TDO2: variants seen among roughly 807,000 people sequenced by gnomAD.
The protein encoded by TDO2 is tryptamin 2,3-dioxygenase.
TDO2 carries 63 observed loss-of-function variants against 61.2 expected under a neutral mutation model. The ratio of observed to expected loss-of-function variants is 1.03; its 90% CI spans 0.84 to 1.27. The LOEUF is 1.27. Among genes scored for constraint, TDO2 ranks in the 50% most tolerant of loss-of-function variants. The probability of loss-of-function intolerance (pLI) is 0.00; values close to 1 mark genes in which losing one functional copy is unlikely to be tolerated. For missense variants in TDO2, 494 were observed against 469.5 expected (o/e 1.05, Z -0.48); for synonymous variants, 183 against 164.0 (o/e 1.12, Z -0.89).
intron 4 of TDO2, 70 bp from the exon 5 acceptor site, chr4:155,908,817 T>C: frequency 1.3e-6 from 2 of 1,484,070 alleles, no homozygotes; most frequent in Non-Finnish European, 1.8e-6. Flanking sequence ...GGGAATTCAT[T>C]GCCATTGTCT....
At chr4:155,912,439 G>A (rs1742852158) in intron 7 of TDO2, among the ~76,000 whole-genome samples, 1 of 151,992 alleles carries the variant, frequency 6.6e-6, no homozygotes, top group Admixed American at 6.6e-5. Flanking sequence ...AAATCCAATG[G>A]CCATTTTTAA....
chr4:155,911,550 A>C lies in TDO2; in HGVS notation c.672A>C (p.Gly224=). 6.2e-7 allele frequency: 1 copy of C among 1,603,636 alleles called. No homozygotes were observed. Among genetic ancestry groups the C allele is most frequent in the South Asian group, 1.1e-5 (1 of 89,714 alleles). ...AGCCACATGGATTTAACTTCTGGGG[A>C]AAGCTTGAAAAAAATATCACCAGAG... ...GLEPHGFNFW[G]KLEKNITRGL... Residue 224 remains glycine, a synonymous_variant, in exon 7 of 12, where the codon GGA becomes GGC. Transcript: ENST00000536354.
intron 11 of TDO2, 108 bp from the exon 12 acceptor site, chr4:155,919,724 TTATAA>T (rs1373869154): frequency 1.5e-5 from 13 of 842,402 alleles, no homozygotes; most frequent in African/African-American, 3.5e-5. Context: ...GCAATATATA[TTATAA>T]TATTGAATAC....
intron 4 of TDO2, among the ~76,000 whole-genome samples, chr4:155,908,571 T>C (rs1487408527): frequency 6.6e-6 from 1 of 152,246 alleles, no homozygotes; most frequent in African/African-American, 2.4e-5. Flanking sequence ...TCCTGTGTTA[T>C]CTTGACCTCT....
chr4:155,916,251 T>A (rs1442299080), intron 9 of TDO2, among the ~76,000 whole-genome samples: 3 of 138,092 alleles, frequency 2.2e-5, no homozygotes, highest in Non-Finnish European at 4.6e-5. Flanking sequence ...CACTGCAAGC[T>A]CCGCCTCCCG....
At chr4:155,909,132 A>G (rs1037202009) in intron 5 of TDO2, 118 bp downstream of exon 5, 33 of 983,258 alleles carry the variant, frequency 3.4e-5, no homozygotes, top group Non-Finnish European at 4.4e-5. Flanking sequence ...ACATTTTGTC[A>G]CTATATGGAC....
intron 7 of TDO2, among the ~76,000 whole-genome samples, chr4:155,912,455 AC>A (rs1484303819): frequency 6.6e-6 from 1 of 152,090 alleles, no homozygotes; most frequent in African/African-American, 2.4e-5. Flanking sequence ...TTTAATCTTA[AC>A]TTAGTTGACC....
intron 8 of TDO2, 87 bp downstream of exon 8, chr4:155,914,521 T>G: frequency 1.1e-6 from 1 of 870,930 alleles, no homozygotes; most frequent in Non-Finnish European, 1.7e-6. Context: ...CAAGCCTTAC[T>G]TGGGAGAAAT....
rs533567199 is a variant in TDO2 at position 155,917,131 on chromosome 4, A to G, written c.897-264A>G. On this transcript the variant is annotated intron_variant, in intron 9 of 11. Coordinates refer to ENST00000536354, the MANE Select transcript of TDO2 (RefSeq NM_005651.4). ...CCTGTCTCGCTTTTAATAAGAACCAATGTTAGGTGTGACTCTAGGTGATTA... is the reference window on the plus strand; with the variant it reads ...CCTGTCTCGCTTTTAATAAGAACCAGTGTTAGGTGTGACTCTAGGTGATTA... Among the ~76,000 whole-genome samples the G allele has an allele frequency of 5.9e-5, 9 of 152,338 alleles. No homozygotes were observed. The South Asian group carries it at 1.9e-3, about 32-fold the overall frequency.
At chr4:155,909,738 T>C (rs1348545463) in intron 5 of TDO2, among the ~76,000 whole-genome samples, 1 of 151,868 alleles carries the variant, frequency 6.6e-6, no homozygotes, top group Non-Finnish European at 1.5e-5. Context: ...GTGTATCTGC[T>C]CTTGATATCC....
chr4:155,912,188 C>T (rs901156184), intron 7 of TDO2, among the ~76,000 whole-genome samples: 12 of 152,138 alleles, frequency 7.9e-5, no homozygotes, highest in African/African-American at 2.7e-4. Flanking sequence ...TTTCCACTTC[C>T]ACTTCTTAAA....
Position 155,910,706 on chromosome 4 carries a change from T to A in TDO2, c.618+495T>A, listed in dbSNP as rs574590279. Among the ~76,000 whole-genome samples the A allele has an allele frequency of 2.0e-5, 3 of 152,266 alleles. No individual in the cohort carries two copies. In the East Asian group the frequency reaches 5.8e-4, roughly 29 times the overall value. The stretch of plus-strand genomic sequence containing the variant: ...TAGCCTTTAGGAATTATTAATTTTT[T>A]CTTCAAAATAGATTATTAAACAAAG... On this transcript the variant is annotated intron_variant, in intron 6 of 11. Transcript: ENST00000536354.
chr4:155,914,495 C>T (rs549276774), intron 8 of TDO2, 61 bp downstream of exon 8: 1 of 1,163,192 alleles, frequency 8.6e-7, no homozygotes, highest in South Asian at 1.7e-5. Flanking sequence ...ATCAAGACAT[C>T]ATTTTATAAG....
In TDO2 at chr4:155,904,138, C is replaced by A. The variant is rs562760829; in HGVS notation, c.141+15C>A. On this transcript the variant is annotated intron_variant, in intron 2 of 11. Transcript: ENST00000536354. ...ACTACCTGCATGTAAGTGGCAGGGT[C>A]CTTACAGGGTTTGGTGTCCATTGTT... The A allele has an allele frequency of 1.9e-6, 3 of 1,583,490 alleles. No homozygotes were observed. Among genetic ancestry groups the A allele is most frequent in the Middle Eastern group, 1.7e-4 (1 of 5,988 alleles).
At chr4:155,909,463 CA>C (rs925238782) in intron 5 of TDO2, among the ~76,000 whole-genome samples, 3 of 151,942 alleles carry the variant, frequency 2.0e-5, no homozygotes, top group Non-Finnish European at 4.4e-5. Context: ...TTTTTCTTAC[CA>C]AAATGTGAGA....
chr4:155,915,677 A>G (rs1742918362), intron 8 of TDO2, among the ~76,000 whole-genome samples, 178 bp from the exon 9 acceptor site: 1 of 152,200 alleles, frequency 6.6e-6, no homozygotes, highest in South Asian at 2.1e-4. Flanking sequence ...CAATGTTAAA[A>G]TTGTATTTTA....
At chr4:155,905,316 C>T (rs77272487) in intron 3 of TDO2, 159 bp downstream of exon 3, 23,026 of 623,940 alleles carry the variant, frequency 0.037, 585 homozygotes, top group South Asian at 0.062. Flanking sequence ...TCTCATAGGA[C>T]TGATATAAGG....
At chr4:155,905,278 T>C in intron 3 of TDO2, 121 bp downstream of exon 3, 1 of 785,688 alleles carries the variant, frequency 1.3e-6, no homozygotes, top group Admixed American at 3.2e-5. Context: ...GTTAGAAATG[T>C]TTGAGAATAT....
intron 6 of TDO2, 104 bp from the exon 7 acceptor site, chr4:155,911,393 C>A: frequency 1.4e-6 from 1 of 701,582 alleles, no homozygotes; most frequent in Non-Finnish European, 2.2e-6. Context: ...GCATATGTTT[C>A]TGGAAACCAT....
Sources: allele counts gnomAD v4.1 joint callset (sites outside exome capture counted in the v4.1 genomes callset), GRCh38; gene constraint gnomAD v4.1.1; transcripts MANE v1.5; gene names NCBI Gene and HGNC (gene_info 2026-07-23, HGNC 2026-07-21).